ATL2: variants seen among roughly 807,000 people sequenced by gnomAD.
ATL2 encodes the protein atlastin-2.
ATL2 carries 31 observed loss-of-function variants against 73.9 expected under a neutral mutation model. The ratio of observed to expected loss-of-function variants is 0.42; its 90% CI spans 0.32 to 0.57. The LOEUF is 0.57. Among genes scored for constraint, ATL2 ranks in the 20% least tolerant of loss-of-function variants. ATL2 has a pLI of 0.14. For missense variants in ATL2, 738 were observed against 702.6 expected (o/e 1.05, Z -0.57); for synonymous variants, 291 against 237.5 (o/e 1.23, Z -2.07).
At chr2:38,342,276 T>C (rs984642971) in intron 2 of ATL2, among the ~76,000 whole-genome samples, 2 of 152,050 alleles carry the variant, frequency 1.3e-5, no homozygotes, top group African/African-American at 4.8e-5. Flanking sequence ...GCCAGGTGCT[T>C]GATAATCAAC....
Position 38,371,578 on chromosome 2 carries a change from G to GA in ATL2, c.118+5564dup, listed in dbSNP as rs372346197. Among the ~76,000 whole-genome samples, 287 of 147,082 alleles carry GA rather than the reference G, an allele frequency of 2.0e-3. 2 individuals carry two copies. The highest frequency in any genetic ancestry group is 5.9e-3 in the African/African-American group (240 of 40,394). ...AGGGTAGATATTAACCACTGGGAAG[G>GA]AAAAAAAAAAATGTTACAGAAAAAC... On this transcript the variant is annotated intron_variant, in intron 1 of 12. Coordinates refer to ENST00000378954, the MANE Select transcript of ATL2 (RefSeq NM_001135673.4).
Position 38,294,188 on chromosome 2 carries a change from G to GT in ATL2, c.*1805dup, listed in dbSNP as rs757372496. 2.4e-4 allele frequency among the ~76,000 whole-genome samples: 36 copies of GT among 152,222 alleles called. No homozygotes were observed. The highest frequency in any genetic ancestry group is 4.6e-4 in the Admixed American group (7 of 15,282). On this transcript the variant is annotated 3_prime_UTR_variant, in exon 13 of 13. Coordinates refer to ENST00000378954, the MANE Select transcript of ATL2 (RefSeq NM_001135673.4). Reference sequence around the variant, plus strand: ...TCTGAATGGGAGTGGGAGCGAAGATGTATCAACCAAAGTAAATTCAGAGTT... The same window carrying GT: ...TCTGAATGGGAGTGGGAGCGAAGATGTTATCAACCAAAGTAAATTCAGAGTT...
chr2:38,314,922 T>C (rs1413457182), intron 5 of ATL2, among the ~76,000 whole-genome samples: 1 of 152,244 alleles, frequency 6.6e-6, no homozygotes, highest in Non-Finnish European at 1.5e-5. Context: ...AAAGTGAGAA[T>C]TAAATTTCAA....
intron 8 of ATL2, among the ~76,000 whole-genome samples, 163 bp from the exon 9 acceptor site, chr2:38,309,669 AG>A (rs1208010706): frequency 6.6e-6 from 1 of 152,158 alleles, no homozygotes; most frequent in Non-Finnish European, 1.5e-5. Context: ...CATATCTCAT[AG>A]GAAAAAATAT....
chr2:38,308,628 G>A (rs368508645), intron 9 of ATL2, among the ~76,000 whole-genome samples: 1 of 151,854 alleles, frequency 6.6e-6, no homozygotes, highest in African/African-American at 2.4e-5. Context: ...ACATAAGGAA[G>A]GGATACAGGC....
At chr2:38,320,221 A>C (rs1306183150) in intron 2 of ATL2, among the ~76,000 whole-genome samples, 1 of 152,190 alleles carries the variant, frequency 6.6e-6, no homozygotes, top group Non-Finnish European at 1.5e-5. Context: ...GAAAATATGA[A>C]CCCAAACTGG....
chr2:38,330,191 C>A (rs1573499225), intron 2 of ATL2, among the ~76,000 whole-genome samples: 2 of 134,708 alleles, frequency 1.5e-5, no homozygotes, highest in African/African-American at 5.6e-5. Context: ...AACTATTTGA[C>A]AAAATCCAAC....
At chr2:38,349,539 G>C (rs1372205097) in intron 1 of ATL2, among the ~76,000 whole-genome samples, 2 of 102,322 alleles carry the variant, frequency 2.0e-5, no homozygotes, top group Non-Finnish European at 3.8e-5. Flanking sequence ...GGGGGGAGGG[G>C]GGAGGGATAG....
chr2:38,315,427 T>G, intron 4 of ATL2, 93 bp from the exon 5 acceptor site: 1 of 1,317,370 alleles, frequency 7.6e-7, no homozygotes, highest in Non-Finnish European at 1.0e-6. Flanking sequence ...AAGGTTATTT[T>G]GTATCTCAGC....
intron 2 of ATL2, 87 bp downstream of exon 2, chr2:38,343,178 AGAT>A: frequency 5.9e-6 from 2 of 341,302 alleles, no homozygotes; most frequent in Non-Finnish European, 5.1e-6. Flanking sequence ...AAAAAAAAAA[AGAT>A]ATAGTTCTGG....
intron 9 of ATL2, among the ~76,000 whole-genome samples, chr2:38,305,885 A>G (rs1377735232): frequency 1.3e-5 from 2 of 152,186 alleles, no homozygotes; most frequent in Non-Finnish European, 2.9e-5. Flanking sequence ...GAAAAGGAAG[A>G]GCAAACTAAA....
At chr2:38,360,482 A>G (rs1670950182) in intron 1 of ATL2, among the ~76,000 whole-genome samples, 2 of 151,994 alleles carry the variant, frequency 1.3e-5, no homozygotes, top group Admixed American at 6.6e-5. Context: ...AGGTCTCACT[A>G]TGTTGCCCAG....
chr2:38,331,610 C>T (rs1371258345), intron 2 of ATL2, among the ~76,000 whole-genome samples: 1 of 81,680 alleles, frequency 1.2e-5, no homozygotes, highest in African/African-American at 7.8e-5. Context: ...AAGACTCCAT[C>T]TCAAAAAAAA....
chr2:38,332,540 T>C lies in ATL2; in HGVS notation c.363+10728A>G, dbSNP rs533634451. Among the ~76,000 whole-genome samples the C allele has an allele frequency of 1.3e-4, 20 of 152,322 alleles. No homozygotes were observed. The East Asian group carries it at 3.9e-3, about 29-fold the overall frequency. On this transcript the variant is annotated intron_variant, in intron 2 of 12. Coordinates refer to ENST00000378954, the MANE Select transcript of ATL2 (RefSeq NM_001135673.4). The stretch of plus-strand genomic sequence containing the variant: ...ATTTTTAAATTAATTGGGGTAATAG[T>C]TGCACAACTCTGTGAATATACTAAA...
chr2:38,377,263 T>A lies in ATL2; in HGVS notation c.-3A>T. On this transcript the variant is annotated 5_prime_UTR_variant, in exon 1 of 13. Transcript: ENST00000378954. Reference sequence around the variant, plus strand: ...GCTGCCTCGTCCCCCTCCGCCATCTTGTACCGATTTAAAATTAACTCCCCA... The same window carrying A: ...GCTGCCTCGTCCCCCTCCGCCATCTAGTACCGATTTAAAATTAACTCCCCA... 1 of 1,568,564 alleles carries A rather than the reference T, an allele frequency of 6.4e-7. No individual in the cohort carries two copies. Among genetic ancestry groups the A allele is most frequent in the South Asian group, 1.2e-5 (1 of 86,442 alleles).
intron 2 of ATL2, among the ~76,000 whole-genome samples, chr2:38,339,723 T>C (rs1235620915): frequency 1.3e-5 from 2 of 152,124 alleles, no homozygotes; most frequent in African/African-American, 4.8e-5. Context: ...AGAGTTTTTC[T>C]CTTGTTGCCC....
chr2:38,377,319 A>G, upstream of ATL2: 1 of 1,428,592 alleles, frequency 7.0e-7, no homozygotes, highest in African/African-American at 1.5e-5. Context: ...CGCTTTATCA[A>G]CCTCCCGGGA....
At position 38,334,915 on chromosome 2, in the gene ATL2, A is replaced by AATATATTT. The variant is rs1398325155; in HGVS notation, c.363+8345_363+8352dup. Among the ~76,000 whole-genome samples, 890 of 138,784 alleles carry AATATATTT rather than the reference A, an allele frequency of 6.4e-3. 17 individuals are homozygous for AATATATTT. The highest frequency in any genetic ancestry group is 0.011 in the Non-Finnish European group (725 of 65,376). 91.0% of individuals were successfully genotyped at this position (138,784 alleles called of 152,430 possible). A position where few individuals can be genotyped will look rare whatever the true frequency, so the allele number is the denominator to read the frequency against. On this transcript the variant is annotated intron_variant, in intron 2 of 12. Coordinates refer to ENST00000378954, the MANE Select transcript of ATL2 (RefSeq NM_001135673.4). ...TAATATATATTATTTATAATATATA[A>AATATATTT]ATATATTTATATATTATAATATATA...
chr2:38,328,746 C>A (rs181840485), intron 2 of ATL2, among the ~76,000 whole-genome samples: 3 of 152,128 alleles, frequency 2.0e-5, no homozygotes, highest in Non-Finnish European at 2.9e-5. Context: ...AAAACCAATA[C>A]TCTAAGCTGC....
Sources: gnomAD v4.1 joint callset for allele counts (sites outside exome capture counted in the v4.1 genomes callset) on GRCh38, gnomAD v4.1.1 for gene constraint, MANE v1.5 for transcripts, NCBI Gene and HGNC (gene_info 2026-07-23, HGNC 2026-07-21) for gene names.